Variants in GALNT13 observed in about 807,000 individuals in gnomAD.
GALNT13 encodes the protein UDP-GalNAc:polypeptide N-acetylgalactosaminyltransferase 13.
A neutral mutation model predicts 64.2 loss-of-function variants in GALNT13; 28 were observed. The ratio of observed to expected loss-of-function variants is 0.44; its 90% CI spans 0.32 to 0.60. The LOEUF is 0.60. Ranked by LOEUF, GALNT13 falls within the 20% of genes least tolerant of loss-of-function variation. The pLI, the probability that GALNT13 is intolerant of heterozygous loss-of-function variation, is 0.05. For synonymous variants in GALNT13, 214 were observed against 224.6 expected, an observed-to-expected ratio of 0.95 and a Z score of 0.42; for missense variants, 577 against 669.8, an observed-to-expected ratio of 0.86 and a Z score of 1.53.
chr2:154,424,202 A>G (rs1271728138), intron 11 of GALNT13, among the ~76,000 whole-genome samples: 1 of 152,166 alleles, frequency 6.6e-6, no homozygotes, highest in East Asian at 1.9e-4. Context: ...AAATCTGAAT[A>G]AACTCTAGAG....
chr2:154,322,838 T>C (rs909706165), intron 9 of GALNT13, among the ~76,000 whole-genome samples: 1 of 152,098 alleles, frequency 6.6e-6, no homozygotes, highest in Non-Finnish European at 1.5e-5. Flanking sequence ...CTCAGTGGTA[T>C]TCAGCTGGCA....
At chr2:153,840,173 A>T in the GALNT13 span, among the ~76,000 whole-genome samples, 1 of 152,258 alleles carries the variant, frequency 6.6e-6, no homozygotes. Flanking sequence ...ACAAACTAAC[A>T]CATAGTTCAG....
chr2:153,178,925 T>G, the GALNT13 span, among the ~76,000 whole-genome samples: 37 of 151,540 alleles, frequency 2.4e-4, no homozygotes, highest in African/African-American at 8.7e-4. Flanking sequence ...TTTTTTTTAG[T>G]AGAGATGGGG....
intron 3 of GALNT13, among the ~76,000 whole-genome samples, chr2:153,956,292 CA>C (rs1022243043): frequency 2.6e-5 from 4 of 152,068 alleles, no homozygotes; most frequent in Admixed American, 2.6e-4. Context: ...CAGAAGCTTT[CA>C]AAAGAAGTAG....
In GALNT13 at chr2:154,145,422, G is replaced by C. The variant is rs16836120; in HGVS notation, c.311+4917G>C. On this transcript the variant is annotated intron_variant, in intron 4 of 12. Coordinates refer to ENST00000392825, the MANE Select transcript of GALNT13 (RefSeq NM_052917.4). ...GTTTAAATGCTTCTGTTGTCAGAAAGTAAATAAATAGATGCCATTTTGTTT... is the reference window on the plus strand; with the variant it reads ...GTTTAAATGCTTCTGTTGTCAGAAACTAAATAAATAGATGCCATTTTGTTT... 4.5e-3 allele frequency among the ~76,000 whole-genome samples: 684 copies of C among 151,856 alleles called. 9 individuals carry two copies. Among genetic ancestry groups the C allele is most frequent in the African/African-American group, 0.015 (642 of 41,500 alleles).
At chr2:153,332,546 T>C in the GALNT13 span, among the ~76,000 whole-genome samples, 1 of 151,588 alleles carries the variant, frequency 6.6e-6, no homozygotes, top group Non-Finnish European at 1.5e-5. Flanking sequence ...TTTTTTTTTT[T>C]TTTCTTTTCT....
chr2:153,522,936 G>A, the GALNT13 span, among the ~76,000 whole-genome samples: 2 of 151,624 alleles, frequency 1.3e-5, no homozygotes, highest in Non-Finnish European at 2.9e-5. Context: ...ATAAACCCAA[G>A]GACATGTATG....
intron 8 of GALNT13, among the ~76,000 whole-genome samples, chr2:154,263,442 C>T (rs1184487593): frequency 6.6e-6 from 1 of 152,084 alleles, no homozygotes; most frequent in Non-Finnish European, 1.5e-5. Flanking sequence ...CATAACATTC[C>T]TGAGAATCAC....
chr2:153,694,477 C>G, the GALNT13 span, among the ~76,000 whole-genome samples: 3 of 152,104 alleles, frequency 2.0e-5, no homozygotes, highest in Non-Finnish European at 4.4e-5. Flanking sequence ...ATAAATCTCA[C>G]AGATATAATG....
At chr2:153,297,722 G>C in the GALNT13 span, among the ~76,000 whole-genome samples, 2 of 152,172 alleles carry the variant, frequency 1.3e-5, no homozygotes, top group Non-Finnish European at 2.9e-5. Context: ...AGTCATTCAG[G>C]CTCCACTAAA....
chr2:153,414,411 A>C, the GALNT13 span, among the ~76,000 whole-genome samples: 1 of 151,700 alleles, frequency 6.6e-6, no homozygotes, highest in African/African-American at 2.4e-5. Context: ...ATAAAAAGTT[A>C]CAGTGTCCTT....
At chr2:153,277,918 C>CTTTTATT in the GALNT13 span, among the ~76,000 whole-genome samples, 1 of 39,206 alleles carries the variant, frequency 2.6e-5, no homozygotes, top group Non-Finnish European at 6.1e-5. Flanking sequence ...CTTTTGTTTT[C>CTTTTATT]TTTTCTTTCT....
the GALNT13 span, among the ~76,000 whole-genome samples, chr2:153,736,840 A>C: frequency 6.6e-6 from 1 of 152,042 alleles, no homozygotes; most frequent in Non-Finnish European, 1.5e-5. Flanking sequence ...AGCTCCTGTG[A>C]CTGGCTGCCA....
At chr2:154,211,850 A>G (rs761083000) in intron 4 of GALNT13, among the ~76,000 whole-genome samples, 1 of 152,012 alleles carries the variant, frequency 6.6e-6, no homozygotes, top group Non-Finnish European at 1.5e-5. Flanking sequence ...CAGAAATTCA[A>G]TATTAGCCTT....
the GALNT13 span, among the ~76,000 whole-genome samples, chr2:153,257,812 C>A: frequency 6.6e-6 from 1 of 152,086 alleles, no homozygotes; most frequent in Non-Finnish European, 1.5e-5. Context: ...TTTTCTTTTG[C>A]AATAGGACAC....
chr2:153,083,927 G>A, the GALNT13 span, among the ~76,000 whole-genome samples: 3 of 152,200 alleles, frequency 2.0e-5, no homozygotes, highest in African/African-American at 7.2e-5. Context: ...GGTGAGAGAT[G>A]AGGATCCAGT....
the GALNT13 span, among the ~76,000 whole-genome samples, chr2:153,448,239 C>T: frequency 1.3e-5 from 2 of 152,076 alleles, no homozygotes; most frequent in Non-Finnish European, 2.9e-5. Flanking sequence ...AAGCATGTTG[C>T]TTTTCTATAT....
intron 5 of GALNT13, among the ~76,000 whole-genome samples, chr2:154,242,435 C>T (rs1689543623): frequency 6.6e-6 from 1 of 152,020 alleles, no homozygotes; most frequent in Admixed American, 6.6e-5. Context: ...TGGTTCTTAC[C>T]TAAAATTTCA....
At chr2:153,450,236 A>C in the GALNT13 span, among the ~76,000 whole-genome samples, 1 of 152,164 alleles carries the variant, frequency 6.6e-6, no homozygotes, top group Non-Finnish European at 1.5e-5. Flanking sequence ...CATAACTCAT[A>C]ATGCATTTAA....
Sources: gnomAD v4.1 joint callset for allele counts (sites outside exome capture counted in the v4.1 genomes callset) on GRCh38, gnomAD v4.1.1 for gene constraint, MANE v1.5 for transcripts, NCBI Gene and HGNC (gene_info 2026-07-23, HGNC 2026-07-21) for gene names.